Variants in CAMTA1 observed in about 807,000 individuals in gnomAD.
CAMTA1 encodes the protein calmodulin binding transcription activator 1.
Under a neutral mutation model 170.9 loss-of-function variants are expected in CAMTA1, and 27 were observed. That is an observed-to-expected ratio of 0.16 (90% confidence interval 0.12 to 0.22). The LOEUF (loss-of-function observed/expected upper bound fraction) is 0.22, where lower values mean the gene tolerates loss of function less well. CAMTA1 is among the 10% of genes least tolerant of loss of function. CAMTA1 has a pLI of 1.00. For missense variants in CAMTA1, 1,619 were observed against 2,217.2 expected (o/e 0.73, Z 5.42); for synonymous variants, 833 against 891.5 (o/e 0.93, Z 1.17).
intron 5 of CAMTA1, among the ~76,000 whole-genome samples, chr1:7,319,343 T>C (rs1314290497): frequency 1.3e-5 from 2 of 152,128 alleles, no homozygotes; most frequent in Non-Finnish European, 1.5e-5. Flanking sequence ...GATTCCCCCT[T>C]GGTGCTATTT....
chr1:7,758,258 G>T (rs12093175), intron 22 of CAMTA1, among the ~76,000 whole-genome samples: 4,469 of 152,236 alleles, frequency 0.029, 224 homozygotes, highest in African/African-American at 0.1. Flanking sequence ...TTTTCAGAAG[G>T]TGCTTTTCAA....
chr1:6,992,864 C>T (rs1298290689), intron 3 of CAMTA1, among the ~76,000 whole-genome samples: 1 of 152,224 alleles, frequency 6.6e-6, no homozygotes, highest in Non-Finnish European at 1.5e-5. Flanking sequence ...TGGGTGGAGA[C>T]ACAAATCCCA....
chr1:7,679,299 G>T (rs2096159444), intron 11 of CAMTA1, among the ~76,000 whole-genome samples: 1 of 152,162 alleles, frequency 6.6e-6, no homozygotes, highest in Admixed American at 6.5e-5. Flanking sequence ...AAGGATGCTG[G>T]GACCACTGTA....
chr1:7,730,908 A>ATCTCTCTCTC lies in CAMTA1; in HGVS notation c.2915-1528_2915-1519dup, dbSNP rs34139853. 8.3e-5 allele frequency among the ~76,000 whole-genome samples: 12 copies of ATCTCTCTCTC among 144,078 alleles called. No individual in the cohort carries two copies. The East Asian group carries it at 1.2e-3, about 15-fold the overall frequency. 94.5% of individuals were successfully genotyped at this position (144,078 alleles called of 152,430 possible). On this transcript the variant is annotated intron_variant, in intron 11 of 22. Transcript: ENST00000303635. ...AGTGAGATTCCATCTCAAAGTCTCA[A>ATCTCTCTCTC]TCTCTCTCTCTCTCTCTCTCTATAT...
chr1:7,745,079 C>A, intron 17 of CAMTA1, 57 bp downstream of exon 17: 1 of 1,474,430 alleles, frequency 6.8e-7, no homozygotes, highest in Non-Finnish European at 9.2e-7. Context: ...TAATTGGAGG[C>A]AGGGGAGGCT....
At chr1:7,471,082 A>C (rs2093321849) in intron 6 of CAMTA1, among the ~76,000 whole-genome samples, 1 of 152,206 alleles carries the variant, frequency 6.6e-6, no homozygotes. Flanking sequence ...GATTGGTGCC[A>C]AGATTTACAG....
intron 6 of CAMTA1, among the ~76,000 whole-genome samples, chr1:7,522,379 T>C (rs2094377320): frequency 6.6e-6 from 1 of 152,216 alleles, no homozygotes; most frequent in Admixed American, 6.5e-5. Flanking sequence ...AGTTTGTTAT[T>C]ATATTCTCAG....
At chr1:7,567,558 GC>G (rs1353897455) in intron 6 of CAMTA1, among the ~76,000 whole-genome samples, 3 of 152,216 alleles carry the variant, frequency 2.0e-5, no homozygotes, top group African/African-American at 7.2e-5. Flanking sequence ...AGGCCAATAG[GC>G]CCAACCCCTG....
intron 4 of CAMTA1, among the ~76,000 whole-genome samples, chr1:7,127,247 C>CTT (rs61211407): frequency 0.22 from 15,942 of 73,404 alleles, 2,714 homozygotes; most frequent in African/African-American, 0.26. Flanking sequence ...GCCAGAGGGG[C>CTT]TTTTTTTTTT....
chr1:7,515,770 A>G (rs559342723), intron 6 of CAMTA1, among the ~76,000 whole-genome samples: 30 of 152,256 alleles, frequency 2.0e-4, no homozygotes, highest in African/African-American at 6.7e-4. Flanking sequence ...ACTTTTTCCC[A>G]GGATCTGCTG....
At chr1:7,189,896 C>T (rs186976277) in intron 4 of CAMTA1, among the ~76,000 whole-genome samples, 6 of 152,320 alleles carry the variant, frequency 3.9e-5, no homozygotes, top group African/African-American at 1.4e-4. Context: ...CATCAGTCAA[C>T]GAGTGGATAA....
intron 3 of CAMTA1, among the ~76,000 whole-genome samples, chr1:7,011,889 C>G (rs1190387573): frequency 6.6e-6 from 1 of 152,146 alleles, no homozygotes; most frequent in Non-Finnish European, 1.5e-5. Flanking sequence ...TTACAAACAT[C>G]CCACTCTTCA....
intron 4 of CAMTA1, among the ~76,000 whole-genome samples, chr1:7,215,690 T>C (rs769588066): frequency 1.3e-5 from 2 of 152,196 alleles, no homozygotes; most frequent in Non-Finnish European, 2.9e-5. Context: ...CACCGTGCCT[T>C]ACCTGGTATG....
At chr1:7,103,566 C>T (rs1396159769) in intron 4 of CAMTA1, among the ~76,000 whole-genome samples, 1 of 62,042 alleles carries the variant, frequency 1.6e-5, no homozygotes, top group Admixed American at 1.5e-4. Flanking sequence ...CACATACACA[C>T]AACACAACTA....
chr1:7,170,407 C>T (rs183043418), intron 4 of CAMTA1, among the ~76,000 whole-genome samples: 1 of 151,794 alleles, frequency 6.6e-6, no homozygotes, highest in East Asian at 1.9e-4. Context: ...GTCAACCCAT[C>T]ATCTAGGTTT....
At position 7,664,014 on chromosome 1, in the gene CAMTA1, T is replaced by C; in HGVS notation, c.1467T>C (p.Leu489=). The change falls in exon 9 of 23, where the codon CTT becomes CTC. Residue 489 remains leucine (L), a synonymous_variant. Transcript: ENST00000303635. ...TGAACTTTGACCCCGACTGTTTCCT[T>C]AATAACCCAAAGCAGGGCCAGACGT... ...TTMNFDPDCF[L]NNPKQGQTYG... is the part of the protein sequence containing the mutation. The C allele has an allele frequency of 6.2e-7, 1 of 1,613,884 alleles. No individual in the cohort carries two copies. Among genetic ancestry groups the C allele is most frequent in the Admixed American group, 1.7e-5 (1 of 60,028 alleles).
chr1:7,046,655 A>G (rs572300791), intron 3 of CAMTA1, among the ~76,000 whole-genome samples: 2 of 152,266 alleles, frequency 1.3e-5, no homozygotes, highest in South Asian at 4.1e-4. Flanking sequence ...ACAGTGGGAG[A>G]GAGGAGAAAG....
chr1:7,585,036 C>T lies in CAMTA1; in HGVS notation c.511-55364C>T, dbSNP rs1414413280. Among the ~76,000 whole-genome samples the T allele has an allele frequency of 6.6e-6, 1 of 152,084 alleles. No individual in the cohort carries two copies. Reference sequence around the variant, plus strand: ...CCCCGGCGGGATGTGGAGTAGCACCCCATAATCAGATGCATTAATATTTCT... The same window carrying T: ...CCCCGGCGGGATGTGGAGTAGCACCTCATAATCAGATGCATTAATATTTCT... On this transcript the variant is annotated intron_variant, in intron 6 of 22. Coordinates refer to ENST00000303635, the MANE Select transcript of CAMTA1 (RefSeq NM_015215.4). This position sits in a 1 kb window ranked among gnomAD's most constrained non-coding sequence, Gnocchi z 4.8.
chr1:7,480,287 G>T (rs1361501669), intron 6 of CAMTA1, among the ~76,000 whole-genome samples: 1 of 150,780 alleles, frequency 6.6e-6, no homozygotes, highest in Non-Finnish European at 1.5e-5. Context: ...CTGTGTATGA[G>T]TGCGTGTGTG....
Sources: gnomAD v4.1 joint callset for allele counts (sites outside exome capture counted in the v4.1 genomes callset) on GRCh38, gnomAD v4.1.1 for gene constraint, Gnocchi (gnomAD v3.1) non-coding constraint, MANE v1.5 for transcripts, NCBI Gene and HGNC (gene_info 2026-07-23, HGNC 2026-07-21) for gene names.